DACH2: variants seen among roughly 807,000 people sequenced by gnomAD.
The protein encoded by DACH2 is dachshund family transcription factor 2, also known as dachshund homolog 2.
In DACH2, 17 loss-of-function variants were observed where a neutral mutation model predicts 35.8. The observed-to-expected ratio is 0.48, with a 90% CI of 0.33 to 0.71. DACH2 has a LOEUF of 0.71. DACH2 is among the 30% of genes least tolerant of loss of function. DACH2 has a pLI of 0.02. For synonymous variants in DACH2, 195 were observed against 177.3 expected (o/e 1.10, Z -0.79); for missense variants, 469 against 472.7 (o/e 0.99, Z 0.07).
At chrX:86,472,249 G>A (rs1451151873) in intron 2 of DACH2, among the ~76,000 whole-genome samples, 2 of 111,465 alleles carry the variant, frequency 1.8e-5, no homozygotes, top group African/African-American at 3.3e-5. Flanking sequence ...GAAAGAGGGA[G>A]GCAGGAGAGT....
At chrX:86,296,517 C>A (rs906216309) in intron 1 of DACH2, among the ~76,000 whole-genome samples, 3 of 110,229 alleles carry the variant, frequency 2.7e-5, no homozygotes, top group Non-Finnish European at 5.7e-5. Context: ...ATCCCATGTT[C>A]AAGTTTGCCT....
intron 1 of DACH2, among the ~76,000 whole-genome samples, chrX:86,196,846 C>T (rs938948118): frequency 9.1e-6 from 1 of 109,917 alleles, no homozygotes; most frequent in Admixed American, 9.8e-5. Flanking sequence ...TTCAGGATAT[C>T]ATTCACGAGA....
chrX:86,830,999 T>C (rs1163756716), intron 11 of DACH2: 1 of 111,133 alleles, frequency 9.0e-6, no homozygotes. Flanking sequence ...CTTGGGAAAA[T>C]GTCTGGTTGC....
intron 3 of DACH2, among the ~76,000 whole-genome samples, chrX:86,596,907 G>A (rs2039720098): frequency 9.0e-6 from 1 of 110,864 alleles, no homozygotes; most frequent in Non-Finnish European, 1.9e-5. Context: ...TCCCCATTGA[G>A]TGTCCTTATC....
At chrX:86,811,965 A>G (rs149647487) in intron 7 of DACH2, among the ~76,000 whole-genome samples, 323 of 112,159 alleles carry the variant, frequency 2.9e-3, no homozygotes, top group African/African-American at 0.01. Flanking sequence ...TAAAAGAGAG[A>G]ATAGATGTAA....
chrX:86,803,531 T>G (rs1186230124), intron 7 of DACH2, among the ~76,000 whole-genome samples: 2 of 110,920 alleles, frequency 1.8e-5, no homozygotes, highest in African/African-American at 6.5e-5. Context: ...TATATATTCA[T>G]GTACAATCTT....
chrX:86,368,564 CTTT>C (rs11446638), intron 1 of DACH2, among the ~76,000 whole-genome samples: 22 of 84,294 alleles, frequency 2.6e-4, no homozygotes, highest in Admixed American at 2.8e-4. Flanking sequence ...CTTTCTTCTT[CTTT>C]TTTTTTTTTT....
At chrX:86,789,795 A>G (rs1354926544) in intron 7 of DACH2, among the ~76,000 whole-genome samples, 1 of 112,103 alleles carries the variant, frequency 8.9e-6, no homozygotes, top group Non-Finnish European at 1.9e-5. Context: ...GCTACAGCAT[A>G]GAGGTAACAT....
intron 1 of DACH2, among the ~76,000 whole-genome samples, chrX:86,290,569 G>T (rs1486776252): frequency 1.8e-5 from 2 of 108,786 alleles, no homozygotes; most frequent in African/African-American, 6.8e-5. Context: ...TGACGTTTAA[G>T]TCTTTAATAC....
At chrX:86,645,698 C>A (rs946708195) in intron 3 of DACH2, among the ~76,000 whole-genome samples, 6 of 111,194 alleles carry the variant, frequency 5.4e-5, no homozygotes, top group Non-Finnish European at 7.6e-5. Flanking sequence ...GGTATATATA[C>A]CCTACGGAAT....
At chrX:86,619,725 G>A (rs2040047366) in intron 3 of DACH2, among the ~76,000 whole-genome samples, 1 of 111,940 alleles carries the variant, frequency 8.9e-6, no homozygotes, top group African/African-American at 3.2e-5. Context: ...TGAACAGGAA[G>A]GGGCACTATC....
At chrX:86,163,884 A>G (rs1432793404) in intron 1 of DACH2, among the ~76,000 whole-genome samples, 1 of 111,407 alleles carries the variant, frequency 9.0e-6, no homozygotes, top group Non-Finnish European at 1.9e-5. Flanking sequence ...GCTGCAATGA[A>G]CAGACACGTG....
chrX:86,552,842 A>C (rs1234100540), intron 3 of DACH2, among the ~76,000 whole-genome samples: 1 of 110,814 alleles, frequency 9.0e-6, no homozygotes. Flanking sequence ...GGGAAGCAAA[A>C]AATGTTCCCA....
At chrX:86,715,634 T>C (rs2041327688) in intron 6 of DACH2, among the ~76,000 whole-genome samples, 1 of 111,699 alleles carries the variant, frequency 9.0e-6, no homozygotes, top group Non-Finnish European at 1.9e-5. Context: ...TATGGGAAAT[T>C]TATAAGTAAG....
rs773784830 is a variant in DACH2, at chrX:86,695,102, C to A, written c.854C>A (p.Ala285Glu). The A allele has an allele frequency of 2.4e-5, 28 of 1,151,793 alleles. No homozygotes were observed. The highest frequency in any genetic ancestry group is 8.1e-6 in the Non-Finnish European group (7 of 865,708). The allele number at this position is 1,151,793 out of a possible 1,213,427, so 94.9% of individuals were successfully genotyped here. ...GGACCCCAACATGGAATTGCTCATG[C>A]AGCCCTAGCTGGCCAGCCAGGCATT... ...APGPQHGIAH[A>E]ALAGQPGIGG... Residue 285 changes from alanine (A) to glutamate (E), a missense_variant, in exon 5 of 12, where the codon GCA (alanine) becomes GAA (glutamate). This residue lies in a region of DACH2 where 363 missense variants were observed against 334.4 expected (regional missense o/e 1.09). Transcript: ENST00000373125.
chrX:86,403,659 C>G (rs755189448), intron 2 of DACH2, among the ~76,000 whole-genome samples: 1 of 112,019 alleles, frequency 8.9e-6, no homozygotes, highest in Non-Finnish European at 1.9e-5. Context: ...TAAATCAGAT[C>G]TACCATTTGG....
In DACH2 at chrX:86,569,809, C is replaced by T. The variant is rs1602656732; in HGVS notation, c.640+55418C>T. 1.8e-5 allele frequency among the ~76,000 whole-genome samples: 2 copies of T among 111,553 alleles called. 1 individual carries two copies. On this transcript the variant is annotated intron_variant, in intron 3 of 11. Transcript: ENST00000373125. ...ATCATCAGAGCAAATAGACAATCTA[C>T]AGAATGGGAGAACATTTTTCTCAAT... is the stretch of plus-strand genomic sequence containing the variant.
intron 4 of DACH2, among the ~76,000 whole-genome samples, chrX:86,692,858 G>A (rs1217357638): frequency 9.0e-6 from 1 of 111,473 alleles, no homozygotes; most frequent in East Asian, 2.8e-4. Flanking sequence ...GCATTTTCTG[G>A]TATTAATCAT....
At chrX:86,607,943 C>G (rs1481078867) in intron 3 of DACH2, among the ~76,000 whole-genome samples, 86 of 105,802 alleles carry the variant, frequency 8.1e-4, no homozygotes, top group African/African-American at 2.9e-3. Context: ...TTTATGGCTG[C>G]ATAGTATTCC....
Sources: gnomAD v4.1 joint callset for allele counts (sites outside exome capture counted in the v4.1 genomes callset) on GRCh38, gnomAD v4.1.1 for gene constraint, gnomAD v4.1.1 regional missense constraint, MANE v1.5 for transcripts, NCBI Gene and HGNC (gene_info 2026-07-23, HGNC 2026-07-21) for gene names.